Variants in ZNF365 observed in about 807,000 individuals in gnomAD.
ZNF365 encodes protein ZNF365.
In ZNF365, 22 loss-of-function variants were observed where a neutral mutation model predicts 35.0. That is an observed-to-expected ratio of 0.63 (90% CI 0.45 to 0.90). The LOEUF is 0.90. Among genes scored for constraint, ZNF365 ranks in the 40% least tolerant of loss-of-function variants. The probability of loss-of-function intolerance (pLI) is 0.00; values close to 1 mark genes in which losing one functional copy is unlikely to be tolerated. For missense variants in ZNF365, 448 were observed against 500.3 expected, an observed-to-expected ratio of 0.90 and a Z score of 1.00; for synonymous variants, 188 against 196.2, an observed-to-expected ratio of 0.96 and a Z score of 0.35.
At chr10:62,394,431 C>G (rs187245505) in intron 3 of ZNF365, among the ~76,000 whole-genome samples, 50 of 152,318 alleles carry the variant, frequency 3.3e-4, no homozygotes, top group African/African-American at 1.1e-3. Context: ...AAATGAATTA[C>G]TGCTAGTCCT....
intron 3 of ZNF365, among the ~76,000 whole-genome samples, chr10:62,392,828 C>T (rs1410556607): frequency 2.0e-5 from 3 of 152,100 alleles, no homozygotes; most frequent in Non-Finnish European, 4.4e-5. Context: ...GACGGGGTTT[C>T]ACCACATTGA....
chr10:62,476,204 A>G (rs1471636812), intron 4 of ZNF365, among the ~76,000 whole-genome samples: 2 of 151,972 alleles, frequency 1.3e-5, no homozygotes, highest in Admixed American at 6.6e-5. Flanking sequence ...ACTTCCAAAT[A>G]ATTTAGTTAT....
At chr10:62,469,297 T>A (rs953422117) in intron 4 of ZNF365, among the ~76,000 whole-genome samples, 6 of 152,194 alleles carry the variant, frequency 3.9e-5, no homozygotes, top group African/African-American at 1.4e-4. Flanking sequence ...CAAGGGCAAT[T>A]TTGTGAGAAT....
intron 3 of ZNF365, among the ~76,000 whole-genome samples, chr10:62,425,019 C>T (rs1840230738): frequency 6.6e-6 from 1 of 152,172 alleles, no homozygotes; most frequent in African/African-American, 2.4e-5. Context: ...CCTCCCTGCT[C>T]TGTCACCTTT....
intron 3 of ZNF365, among the ~76,000 whole-genome samples, chr10:62,437,545 G>C (rs1201409746): frequency 1.3e-5 from 2 of 152,154 alleles, no homozygotes. Flanking sequence ...AGTTTAAAGC[G>C]AGTTTTTAGC....
Position 62,388,580 on chromosome 10 carries a change from A to T in ZNF365, c.924+4A>T. ...CCGTGATCTCAGCGGGCACGTGGTGAGTCACCCCGGGCCAGCCACCGAGTG... is the reference window on the plus strand; with the variant it reads ...CCGTGATCTCAGCGGGCACGTGGTGTGTCACCCCGGGCCAGCCACCGAGTG... On this transcript the variant is annotated splice_donor_region_variant and intron_variant, in intron 3 of 4. Transcript: ENST00000395254. 6.2e-7 allele frequency: 1 copy of T among 1,613,306 alleles called. No homozygotes were observed. The highest frequency in any genetic ancestry group is 1.7e-4 in the Middle Eastern group (1 of 5,778).
intron 4 of ZNF365, chr10:62,479,800 C>G (rs897288157): frequency 9.4e-7 from 1 of 1,058,816 alleles, no homozygotes; most frequent in Non-Finnish European, 1.5e-6. Flanking sequence ...GAAACCACTT[C>G]TTTTTTTGAC....
intron 3 of ZNF365, among the ~76,000 whole-genome samples, chr10:62,443,658 T>C (rs1359426524): frequency 6.6e-6 from 1 of 152,156 alleles, no homozygotes; most frequent in East Asian, 1.9e-4. Flanking sequence ...AAAACTGAAA[T>C]GCTAGCTTTT....
Position 62,387,006 on chromosome 10 carries a change from A to T in ZNF365, c.744-1390A>T, listed in dbSNP as rs1839537012. Reference sequence around the variant, plus strand: ...AACATGGCAAAAACAGTGAGAGGCCATTCCTTGAAGACTGAGAGAGATTTT... The same window carrying T: ...AACATGGCAAAAACAGTGAGAGGCCTTTCCTTGAAGACTGAGAGAGATTTT... On this transcript the variant is annotated intron_variant, in intron 2 of 4. Coordinates refer to ENST00000395254, the MANE Select transcript of ZNF365 (RefSeq NM_014951.3). 3.3e-5 allele frequency among the ~76,000 whole-genome samples: 5 copies of T among 152,242 alleles called. No homozygotes were observed. The South Asian group carries it at 1.0e-3, about 32-fold the overall frequency.
At chr10:62,465,786 G>T (rs180930400) in intron 4 of ZNF365, among the ~76,000 whole-genome samples, 1 of 152,266 alleles carries the variant, frequency 6.6e-6, no homozygotes, top group Non-Finnish European at 1.5e-5. Context: ...TGAATGATGG[G>T]AGTGAAAGGA....
At position 62,388,557 on chromosome 10, in the gene ZNF365, G is replaced by A. The variant is rs374076744; in HGVS notation, c.905G>A (p.Arg302His). The stretch of plus-strand genomic sequence containing the variant: ...AGCCAGCAGGCCTCTGGCTTTGTCC[G>A]TGATCTCAGCGGGCACGTGGTGAGT... Reference protein sequence around the residue: ...YQSQQASGFVRDLSGHVLTDI... With the variant: ...YQSQQASGFVHDLSGHVLTDI... Residue 302 changes from arginine to histidine, a missense_variant, in exon 3 of 5, where the codon CGT becomes CAT. Around this residue, in one of 3 missense-constraint regions of ZNF365, gnomAD observed 362 missense variants for 375.7 expected, o/e 0.96. Transcript: ENST00000395254. The A allele has an allele frequency of 6.3e-5, 101 of 1,613,972 alleles. No homozygotes were observed. Among genetic ancestry groups the A allele is most frequent in the Admixed American group, 4.5e-4 (27 of 60,024 alleles).
At chr10:62,471,653 C>T (rs1447489788) in intron 4 of ZNF365, among the ~76,000 whole-genome samples, 5 of 152,112 alleles carry the variant, frequency 3.3e-5, no homozygotes, top group Admixed American at 3.3e-4. Flanking sequence ...TACCGTACAC[C>T]CACCATTGCT....
At position 62,431,739 on chromosome 10, in the gene ZNF365, A is replaced by C. The variant is rs530877098; in HGVS notation, c.925-28002A>C. Among the ~76,000 whole-genome samples the C allele has an allele frequency of 2.0e-5, 3 of 152,360 alleles. No homozygotes were observed. In the East Asian group the frequency reaches 5.8e-4, roughly 29 times the overall value. ...AGCTTCTGGATATAAGAATAGGATA[A>C]GAATGGGTATTATTTTAAGAAAGAT... On this transcript the variant is annotated intron_variant, in intron 3 of 4. Coordinates refer to the ZNF365 transcript ENST00000395255.
chr10:62,479,757 T>C, intron 4 of ZNF365: 1 of 716,868 alleles, frequency 1.4e-6, no homozygotes, highest in Middle Eastern at 2.4e-4. Flanking sequence ...AGTGAAGAGT[T>C]GCCAGTACAA....
chr10:62,449,883 A>T (rs190688762), intron 3 of ZNF365, among the ~76,000 whole-genome samples: 3 of 151,504 alleles, frequency 2.0e-5, no homozygotes, highest in Non-Finnish European at 4.4e-5. Context: ...GACTGACCAG[A>T]TCTACTCATT....
intron 3 of ZNF365, among the ~76,000 whole-genome samples, chr10:62,393,682 A>G (rs1839673733): frequency 6.6e-6 from 1 of 152,268 alleles, no homozygotes; most frequent in South Asian, 2.1e-4. Context: ...TGGGAAATTA[A>G]TAAATATTTA....
chr10:62,461,521 G>A (rs544766481), intron 4 of ZNF365, among the ~76,000 whole-genome samples: 1 of 152,204 alleles, frequency 6.6e-6, no homozygotes, highest in African/African-American at 2.4e-5. Context: ...TCCTGACCGT[G>A]TTCCGCACGG....
At chr10:62,416,197 C>A (rs1333201438) in intron 3 of ZNF365, among the ~76,000 whole-genome samples, 1 of 56,556 alleles carries the variant, frequency 1.8e-5, no homozygotes, top group Non-Finnish European at 3.5e-5. Context: ...CAGGTCCTTA[C>A]ACAGGTCAAG....
chr10:62,459,684 T>G, intron 3 of ZNF365: 7 of 1,545,862 alleles, frequency 4.5e-6, no homozygotes, highest in Non-Finnish European at 6.2e-6. Context: ...TGCTGTGACT[T>G]ATTCAGTCTA....
Sources: gnomAD v4.1 joint callset for allele counts (sites outside exome capture counted in the v4.1 genomes callset) on GRCh38, gnomAD v4.1.1 for gene constraint, gnomAD v4.1.1 regional missense constraint, MANE v1.5 for transcripts, NCBI Gene and HGNC (gene_info 2026-07-23, HGNC 2026-07-21) for gene names.